The following ZNF469 variants were observed in gnomAD, a reference collection of about 807,000 sequenced individuals.
The protein encoded by ZNF469 is zinc finger protein 469.
ZNF469 carries 1 observed loss-of-function variant against 1.0 expected under a neutral mutation model. The observed-to-expected ratio is 1.00, with a 90% CI of 0.35 to 4.73. The LOEUF is 4.73. Among genes scored for constraint, ZNF469 ranks in the 30% most tolerant of loss-of-function variants. ZNF469 has a pLI of 0.16. For synonymous variants in ZNF469, 2,703 were observed against 2,363.4 expected (o/e 1.14, Z -4.17); for missense variants, 6,100 against 5,356.3 (o/e 1.14, Z -4.33).
chr16:88,223,728 C>G, the ZNF469 span, among the ~76,000 whole-genome samples: 3 of 152,244 alleles, frequency 2.0e-5, no homozygotes, highest in Non-Finnish European at 4.4e-5. Context: ...CGTGTGAAAG[C>G]AGCTTTCCGC....
At chr16:88,148,019 C>T in the ZNF469 span, among the ~76,000 whole-genome samples, 617 of 151,718 alleles carry the variant, frequency 4.1e-3, 12 homozygotes, top group African/African-American at 0.014. Context: ...CTTCCTTCGT[C>T]GTTGTGTGTA....
Position 88,435,437 on chromosome 16 carries a change from T to C in ZNF469, c.7967T>C (p.Ile2656Thr). 6.5e-7 allele frequency: 1 copy of C among 1,550,116 alleles called. No individual in the cohort carries two copies. Among genetic ancestry groups the C allele is most frequent in the East Asian group, 2.4e-5 (1 of 40,916 alleles). Residue 2656 changes from isoleucine to threonine, a missense_variant, in exon 3 of 3, where the codon ATT (isoleucine) becomes ACT (threonine). Transcript: ENST00000565624. Reference sequence around the variant, plus strand: ...ATTCTTCCAGTCTCTGCTGATGTGATTTCAGATGGGCGCGGCTCCAGACCA... The same window carrying C: ...ATTCTTCCAGTCTCTGCTGATGTGACTTCAGATGGGCGCGGCTCCAGACCA... ...ESILPVSADV[I>T]SDGRGSRPSP... is the part of the protein sequence containing the mutation.
At chr16:88,316,213 A>G in the ZNF469 span, among the ~76,000 whole-genome samples, 2 of 152,228 alleles carry the variant, frequency 1.3e-5, no homozygotes, top group African/African-American at 2.4e-5. Context: ...GTCCTAAGTC[A>G]GAACCCGCAG....
the ZNF469 span, among the ~76,000 whole-genome samples, chr16:88,172,738 C>T: frequency 6.6e-6 from 1 of 152,248 alleles, no homozygotes; most frequent in East Asian, 1.9e-4. Context: ...AGGAAGAAAA[C>T]ATGGTCATGT....
the ZNF469 span, among the ~76,000 whole-genome samples, chr16:88,271,523 G>T: frequency 7.1e-6 from 1 of 140,658 alleles, no homozygotes; most frequent in African/African-American, 2.5e-5. Context: ...TGTGTGGCAC[G>T]TGGAAAGGAA....
At chr16:88,351,388 A>C in the ZNF469 span, among the ~76,000 whole-genome samples, 1 of 152,064 alleles carries the variant, frequency 6.6e-6, no homozygotes, top group Non-Finnish European at 1.5e-5. Flanking sequence ...CAGCCATGGG[A>C]TGAGGACGTT....
At chr16:88,230,588 GGC>G in the ZNF469 span, among the ~76,000 whole-genome samples, 1 of 111,136 alleles carries the variant, frequency 9.0e-6, no homozygotes, top group Non-Finnish European at 2.1e-5. Context: ...TGGGTAACTG[GGC>G]TCTGAGCCTC....
chr16:88,396,878 C>CTGAAGGGAGACCGGGTGGAGACCCTCA (rs1904689732), intron 1 of ZNF469, among the ~76,000 whole-genome samples: 8 of 42,084 alleles, frequency 1.9e-4, no homozygotes, highest in African/African-American at 1.0e-3. Flanking sequence ...GGACACCCTC[C>CTGAAGGGAGACCGGGTGGAGACCCTCA]TGAAGGGAGG....
In ZNF469 at chr16:88,432,765, G is replaced by T. The variant is rs756078052; in HGVS notation, c.5295G>T (p.Leu1765=). 2.6e-6 allele frequency: 4 copies of T among 1,550,388 alleles called. No individual in the cohort carries two copies. In the South Asian group the frequency reaches 4.8e-5, roughly 18 times the overall value. The change falls in exon 3 of 3, where the codon CTG becomes CTT. Residue 1765 remains leucine (L), a synonymous_variant. Transcript: ENST00000565624. ...AASSQESEDS[L]RLLPCEQRGG... ...GCTCACAAGAAAGTGAAGACTCCCT[G>T]CGGCTGCTTCCCTGTGAACAGAGAG...
At chr16:88,392,852 G>A (rs1221884809) in intron 1 of ZNF469, among the ~76,000 whole-genome samples, 2 of 152,218 alleles carry the variant, frequency 1.3e-5, no homozygotes, top group Non-Finnish European at 2.9e-5. Context: ...TTCCCCGGCA[G>A]GTTCCCTCCC....
intron 1 of ZNF469, among the ~76,000 whole-genome samples, chr16:88,391,810 G>A (rs1044283231): frequency 2.6e-5 from 4 of 152,234 alleles, no homozygotes; most frequent in Admixed American, 6.5e-5. Flanking sequence ...ATTTTTATGA[G>A]CATTTTGAAC....
the ZNF469 span, among the ~76,000 whole-genome samples, chr16:88,128,344 G>A: frequency 6.6e-6 from 1 of 152,238 alleles, no homozygotes; most frequent in South Asian, 2.1e-4. Context: ...CGTCTCTTGA[G>A]GTTTTACATT....
At chr16:88,298,785 C>T in the ZNF469 span, among the ~76,000 whole-genome samples, 1 of 152,142 alleles carries the variant, frequency 6.6e-6, no homozygotes, top group African/African-American at 2.4e-5. Flanking sequence ...GCATTCCATC[C>T]TTAAATAGAT....
chr16:88,134,783 A>G, the ZNF469 span, among the ~76,000 whole-genome samples: 16 of 152,220 alleles, frequency 1.1e-4, no homozygotes, highest in Admixed American at 3.3e-4. Context: ...GTTAGGATGG[A>G]CAGCTGTTTG....
chr16:88,250,123 G>A, the ZNF469 span, among the ~76,000 whole-genome samples: 5 of 152,300 alleles, frequency 3.3e-5, no homozygotes, highest in South Asian at 2.1e-4. Context: ...AATGCAAAGC[G>A]TTTTCACAAA....
At chr16:88,413,856 G>A (rs1290807692) in intron 1 of ZNF469, among the ~76,000 whole-genome samples, 1 of 152,236 alleles carries the variant, frequency 6.6e-6, no homozygotes, top group Admixed American at 6.5e-5. Flanking sequence ...CAGCCCCCAG[G>A]GCTGTGTGAG....
At chr16:88,309,282 G>A in the ZNF469 span, among the ~76,000 whole-genome samples, 1 of 152,262 alleles carries the variant, frequency 6.6e-6, no homozygotes, top group South Asian at 2.1e-4. Flanking sequence ...GGACAGCGGT[G>A]ACCTGTGGTG....
chr16:88,133,277 A>G, the ZNF469 span, among the ~76,000 whole-genome samples: 3,923 of 150,194 alleles, frequency 0.026, no homozygotes, highest in African/African-American at 0.09. Context: ...GATGATTCCC[A>G]CGGTCAAATC....
the ZNF469 span, among the ~76,000 whole-genome samples, chr16:88,185,374 TTGTG>T: frequency 2.8e-5 from 4 of 144,118 alleles, no homozygotes; most frequent in Non-Finnish European, 4.5e-5. Flanking sequence ...ACCTATACAC[TTGTG>T]TGTGCAGAGA....
Sources: allele counts gnomAD v4.1 joint callset (sites outside exome capture counted in the v4.1 genomes callset), GRCh38; gene constraint gnomAD v4.1.1; transcripts MANE v1.5; gene names NCBI Gene and HGNC (gene_info 2026-07-23, HGNC 2026-07-21).